The following RTN1 variants were observed in gnomAD, a reference collection of about 807,000 sequenced individuals.
The protein encoded by RTN1 is reticulon-1.
RTN1 carries 25 observed loss-of-function variants against 65.5 expected under a neutral mutation model. That is an observed-to-expected ratio of 0.38 (90% CI 0.28 to 0.53). The LOEUF is 0.53. Ranked by LOEUF, RTN1 falls within the 20% of genes least tolerant of loss-of-function variation. The pLI is 0.79. For missense variants in RTN1, 983 were observed against 1,025.4 expected, an observed-to-expected ratio of 0.96 and a Z score of 0.57; for synonymous variants, 471 against 447.6, an observed-to-expected ratio of 1.05 and a Z score of -0.66.
intron 1 of RTN1, among the ~76,000 whole-genome samples, chr14:59,851,131 T>G (rs1887497686): frequency 1.3e-5 from 2 of 152,256 alleles, no homozygotes; most frequent in Non-Finnish European, 2.9e-5. Context: ...CTTCCAAAGA[T>G]TCATATTGAC....
intron 1 of RTN1, among the ~76,000 whole-genome samples, chr14:59,756,179 G>T (rs915770576): frequency 1.1e-4 from 16 of 152,164 alleles, no homozygotes; most frequent in African/African-American, 3.4e-4. Context: ...AAGATGAAAT[G>T]ATGGTGAAAG....
intron 3 of RTN1, among the ~76,000 whole-genome samples, chr14:59,661,766 T>A (rs1883253533): frequency 6.6e-6 from 1 of 152,030 alleles, no homozygotes. Flanking sequence ...AATAATAAGC[T>A]ATTTATGACA....
chr14:59,598,926 C>T (rs111712090), intron 8 of RTN1, among the ~76,000 whole-genome samples: 9,178 of 152,242 alleles, frequency 0.06, 355 homozygotes, highest in Non-Finnish European at 0.087. Flanking sequence ...GTACCCTGGT[C>T]ATCTTTGTGG....
intron 1 of RTN1, among the ~76,000 whole-genome samples, chr14:59,843,100 G>T (rs1887344154): frequency 6.6e-6 from 1 of 152,138 alleles, no homozygotes. Context: ...CAAGTGAAGG[G>T]ATAAACAAAT....
At chr14:59,726,248 A>C (rs1884757016) in intron 3 of RTN1, among the ~76,000 whole-genome samples, 1 of 152,214 alleles carries the variant, frequency 6.6e-6, no homozygotes, top group East Asian at 1.9e-4. Flanking sequence ...AAAATTTTTC[A>C]TAGGGAGAAC....
intron 3 of RTN1, among the ~76,000 whole-genome samples, chr14:59,663,467 C>T (rs1305294978): frequency 2.0e-5 from 3 of 152,010 alleles, no homozygotes; most frequent in African/African-American, 7.2e-5. Flanking sequence ...GCAACAAAAG[C>T]AAAAATTGAC....
intron 3 of RTN1, among the ~76,000 whole-genome samples, chr14:59,689,081 T>C (rs918154261): frequency 6.6e-6 from 1 of 151,818 alleles, no homozygotes. Flanking sequence ...TCTTAAGCAA[T>C]CCAGGAAATG....
At chr14:59,717,004 G>A (rs1462731088) in intron 3 of RTN1, among the ~76,000 whole-genome samples, 5 of 146,892 alleles carry the variant, frequency 3.4e-5, no homozygotes, top group Non-Finnish European at 4.5e-5. Context: ...AAAAAAAAAA[G>A]AAGTAGAGGT....
intron 1 of RTN1, among the ~76,000 whole-genome samples, chr14:59,834,774 T>C (rs575536490): frequency 9.9e-5 from 15 of 152,170 alleles, no homozygotes; most frequent in Non-Finnish European, 2.2e-4. Context: ...GATGATCCAT[T>C]AGGGAAAGTC....
intron 1 of RTN1, among the ~76,000 whole-genome samples, chr14:59,851,631 G>A (rs557510502): frequency 3.3e-5 from 5 of 152,080 alleles, no homozygotes; most frequent in Admixed American, 1.3e-4. Flanking sequence ...AGGCCAAGGC[G>A]GACAGATCAC....
chr14:59,680,128 A>G (rs1356328868), intron 3 of RTN1, among the ~76,000 whole-genome samples: 5 of 152,206 alleles, frequency 3.3e-5, no homozygotes, highest in Admixed American at 3.3e-4. Flanking sequence ...TGCTCCTCCT[A>G]GAACAATCAT....
intron 3 of RTN1, among the ~76,000 whole-genome samples, chr14:59,687,817 C>G (rs1241730721): frequency 6.6e-6 from 1 of 152,002 alleles, no homozygotes; most frequent in East Asian, 2.0e-4. Flanking sequence ...GCATTTGGAG[C>G]ACCTGCTTGC....
At chr14:59,804,235 T>C (rs548102024) in intron 1 of RTN1, among the ~76,000 whole-genome samples, 2 of 152,278 alleles carry the variant, frequency 1.3e-5, no homozygotes, top group African/African-American at 4.8e-5. Context: ...TGGTCAGGTA[T>C]ATTGTAGAAT....
At chr14:59,606,127 T>TATATATATATA (rs1566658130) in intron 4 of RTN1, 13 of 45,320 alleles carry the variant, frequency 2.9e-4, no homozygotes, top group African/African-American at 4.5e-4. Flanking sequence ...TATATATATA[T>TATATATATATA]CATACCAGCT....
At position 59,870,644 on chromosome 14, in the gene RTN1, C is replaced by CCGGCG; in HGVS notation, c.-19_-15dup. ...CGGCGCGGCCATGGCTGGCGGTCCC[C>CCGGCG]CGGCGCGGCGACGGCGGCTTGGCTG... On this transcript the variant is annotated 5_prime_UTR_variant, in exon 1 of 9. Coordinates refer to ENST00000267484, the MANE Select transcript of RTN1 (RefSeq NM_021136.3). This position sits in a 1 kb window ranked among gnomAD's most constrained non-coding sequence, Gnocchi z 5.1. 7.3e-7 allele frequency: 1 copy of CCGGCG among 1,370,000 alleles called. No homozygotes were observed. The highest frequency in any genetic ancestry group is 9.4e-7 in the Non-Finnish European group (1 of 1,069,122). The allele number at this position is 1,370,000 out of a possible 1,614,324, so 84.9% of individuals were successfully genotyped here. A position where few individuals can be genotyped will look rare whatever the true frequency, so the allele number is the denominator to read the frequency against.
intron 1 of RTN1, among the ~76,000 whole-genome samples, chr14:59,756,947 C>T (rs1256932398): frequency 6.6e-6 from 1 of 152,048 alleles, no homozygotes; most frequent in Admixed American, 6.6e-5. Flanking sequence ...CCTCAGTCTC[C>T]CAGGTACCTG....
At chr14:59,851,486 G>T (rs1395930029) in intron 1 of RTN1, among the ~76,000 whole-genome samples, 1 of 152,104 alleles carries the variant, frequency 6.6e-6, no homozygotes, top group Non-Finnish European at 1.5e-5. Context: ...GGGATGTCTG[G>T]GGCTTATTTC....
intron 2 of RTN1, among the ~76,000 whole-genome samples, chr14:59,733,092 T>A (rs981202408): frequency 9.2e-6 from 1 of 108,426 alleles, no homozygotes; most frequent in Non-Finnish European, 2.0e-5. Context: ...TTTTTTTTTT[T>A]CTTTCTTTCT....
chr14:59,602,196 C>T (rs1881600891), intron 8 of RTN1, among the ~76,000 whole-genome samples: 1 of 152,270 alleles, frequency 6.6e-6, no homozygotes, highest in East Asian at 1.9e-4. Flanking sequence ...TCTTTAACTA[C>T]CTAAAATGCC....
Sources: allele counts gnomAD v4.1 joint callset (sites outside exome capture counted in the v4.1 genomes callset), GRCh38; gene constraint gnomAD v4.1.1; non-coding constraint Gnocchi (gnomAD v3.1); transcripts MANE v1.5; gene names NCBI Gene and HGNC (gene_info 2026-07-23, HGNC 2026-07-21).